Variants in PELI2 observed in about 807,000 individuals in gnomAD.
The protein encoded by PELI2 is pellino E3 ubiquitin protein ligase family member 2.
In PELI2, 23 loss-of-function variants were observed where a neutral mutation model predicts 42.3. The observed-to-expected ratio is 0.54, with a 90% CI of 0.39 to 0.77. The LOEUF is 0.77. Among genes scored for constraint, PELI2 ranks in the 30% least tolerant of loss-of-function variants. The pLI is 0.00. For missense variants in PELI2, 463 were observed against 553.2 expected (o/e 0.84, Z 1.64); for synonymous variants, 245 against 212.2 (o/e 1.15, Z -1.34).
chr14:56,222,874 C>T (rs1404987188), intron 2 of PELI2, among the ~76,000 whole-genome samples: 1 of 152,088 alleles, frequency 6.6e-6, no homozygotes, highest in Non-Finnish European at 1.5e-5. Flanking sequence ...TGTGTGTTTG[C>T]ATGTTGTAGG....
chr14:56,178,513 A>G (rs1302180470), intron 2 of PELI2, 49 bp downstream of exon 2: 1 of 1,599,062 alleles, frequency 6.3e-7, no homozygotes, highest in Non-Finnish European at 8.6e-7. Context: ...ACAGTGACTC[A>G]CAGATACTCC....
intron 3 of PELI2, among the ~76,000 whole-genome samples, chr14:56,283,988 AGC>A (rs1889567617): frequency 6.6e-6 from 1 of 152,228 alleles, no homozygotes; most frequent in Non-Finnish European, 1.5e-5. Flanking sequence ...AAAGCGCGAC[AGC>A]ACTCATAGTT....
intron 2 of PELI2, among the ~76,000 whole-genome samples, chr14:56,214,001 G>A (rs1417019310): frequency 6.6e-6 from 1 of 152,046 alleles, no homozygotes; most frequent in African/African-American, 2.4e-5. Flanking sequence ...ACAGGCATGC[G>A]ACACTATGCC....
intron 2 of PELI2, among the ~76,000 whole-genome samples, chr14:56,215,568 C>T (rs944470596): frequency 6.6e-6 from 1 of 152,160 alleles, no homozygotes; most frequent in Non-Finnish European, 1.5e-5. Flanking sequence ...AACAAAATAA[C>T]TTAAATCAAT....
chr14:56,277,028 G>T (rs1889317905), intron 2 of PELI2, among the ~76,000 whole-genome samples: 1 of 152,148 alleles, frequency 6.6e-6, no homozygotes, highest in Non-Finnish European at 1.5e-5. Context: ...TGGGTCACAA[G>T]AATATTTTTA....
chr14:56,189,177 CAG>C (rs1555346074), intron 2 of PELI2, among the ~76,000 whole-genome samples: 19 of 152,090 alleles, frequency 1.2e-4, no homozygotes, highest in African/African-American at 4.1e-4. Flanking sequence ...TAAAATAAAA[CAG>C]GGATTTATAT....
chr14:56,184,393 A>G (rs1173221922), intron 2 of PELI2, among the ~76,000 whole-genome samples: 1 of 152,114 alleles, frequency 6.6e-6, no homozygotes, highest in African/African-American at 2.4e-5. Flanking sequence ...TATTAATTCC[A>G]AGGGAAAAAC....
intron 1 of PELI2, among the ~76,000 whole-genome samples, chr14:56,145,600 G>A (rs1395332424): frequency 6.6e-6 from 1 of 152,140 alleles, no homozygotes; most frequent in Admixed American, 6.5e-5. Flanking sequence ...ATAGTTTAAA[G>A]CTCCAAAATA....
chr14:56,133,528 A>G (rs1883571888), intron 1 of PELI2, among the ~76,000 whole-genome samples: 1 of 152,232 alleles, frequency 6.6e-6, no homozygotes, highest in South Asian at 2.1e-4. Context: ...ACTACATTTT[A>G]CACATGTCCT....
At chr14:56,207,489 A>G (rs1886560911) in intron 2 of PELI2, among the ~76,000 whole-genome samples, 2 of 152,194 alleles carry the variant, frequency 1.3e-5, no homozygotes, top group African/African-American at 4.8e-5. Context: ...CCACTAGAAC[A>G]TGATATTATT....
chr14:56,211,828 T>C (rs1334605984), intron 2 of PELI2, among the ~76,000 whole-genome samples: 1 of 152,160 alleles, frequency 6.6e-6, no homozygotes, highest in Non-Finnish European at 1.5e-5. Flanking sequence ...TTGGTATATC[T>C]AGGCAATCCA....
Position 56,290,360 on chromosome 14 carries a change from C to T in PELI2, c.600C>T (p.Thr200=), listed in dbSNP as rs150094179. The T allele has an allele frequency of 2.7e-5, 44 of 1,613,550 alleles. No individual in the cohort carries two copies. In the African/African-American group the frequency reaches 4.1e-4, roughly 15 times the overall value. ...VLVMHPRGGF[T]EESQPGVWRE... Reference sequence around the variant, plus strand: ...TGATGCATCCACGAGGGGGCTTCACCGAGGAGTCCCAGCCCGGGGTCTGGC... The same window carrying T: ...TGATGCATCCACGAGGGGGCTTCACTGAGGAGTCCCAGCCCGGGGTCTGGC... Residue 200 remains threonine (T), a synonymous_variant, in exon 5 of 6, where the codon ACC becomes ACT. Transcript: ENST00000267460.
chr14:56,197,262 A>G lies in PELI2; in HGVS notation c.207+18798A>G, dbSNP rs1886162198. Among the ~76,000 whole-genome samples, 1 of 152,200 alleles carries G rather than the reference A, an allele frequency of 6.6e-6. No homozygotes were observed. Among genetic ancestry groups the G allele is most frequent in the South Asian group, 2.1e-4 (1 of 4,830 alleles). On this transcript the variant is annotated intron_variant, in intron 2 of 5. Transcript: ENST00000267460. The surrounding 1 kb of genome is among the most constrained non-coding windows in gnomAD (Gnocchi z 4.9). The stretch of plus-strand genomic sequence containing the variant: ...GGAGAATACTGTGAGGGCCAGGGAC[A>G]CATATTTAAGTTTTGATGAGTTATG...
At chr14:56,296,525 T>C (rs1301525569) in intron 5 of PELI2, 75 bp from the exon 6 acceptor site, 2 of 1,030,576 alleles carry the variant, frequency 1.9e-6, no homozygotes, top group Non-Finnish European at 2.9e-6. Context: ...TTTTTGCTTG[T>C]TCTGAGAGGA....
intron 2 of PELI2, among the ~76,000 whole-genome samples, chr14:56,275,576 G>A (rs984640648): frequency 1.3e-5 from 2 of 152,082 alleles, no homozygotes; most frequent in African/African-American, 4.8e-5. Context: ...CCTCACATGC[G>A]CATTCACAAT....
intron 1 of PELI2, among the ~76,000 whole-genome samples, chr14:56,168,054 G>A (rs1418297908): frequency 2.6e-5 from 4 of 152,172 alleles, no homozygotes; most frequent in Admixed American, 1.3e-4. Context: ...GCCACCTAAC[G>A]CTGGGGGTGG....
intron 2 of PELI2, among the ~76,000 whole-genome samples, chr14:56,225,596 G>A (rs1002820618): frequency 2.6e-5 from 4 of 152,170 alleles, no homozygotes; most frequent in African/African-American, 7.2e-5. Flanking sequence ...CTGGGGACAC[G>A]CCAAGAGGGC....
At chr14:56,233,603 C>G (rs929377494) in intron 2 of PELI2, among the ~76,000 whole-genome samples, 2 of 152,124 alleles carry the variant, frequency 1.3e-5, no homozygotes, top group African/African-American at 4.8e-5. Context: ...CAAAAATTAA[C>G]TCAAGATGGA....
At chr14:56,195,428 A>C (rs545736551) in intron 2 of PELI2, among the ~76,000 whole-genome samples, 22 of 151,942 alleles carry the variant, frequency 1.4e-4, no homozygotes, top group African/African-American at 5.3e-4. Flanking sequence ...GGGTGGTCCT[A>C]CCCCCTCCCC....
Sources: gnomAD v4.1 joint callset for allele counts (sites outside exome capture counted in the v4.1 genomes callset) on GRCh38, gnomAD v4.1.1 for gene constraint, Gnocchi (gnomAD v3.1) non-coding constraint, MANE v1.5 for transcripts, NCBI Gene and HGNC (gene_info 2026-07-23, HGNC 2026-07-21) for gene names.